The following CYFIP1 variants were observed in gnomAD, a reference collection of about 807,000 sequenced individuals.
CYFIP1 encodes the protein cytoplasmic FMR1-interacting protein 1.
Under a neutral mutation model 163.5 loss-of-function variants are expected in CYFIP1, and 58 were observed. The ratio of observed to expected loss-of-function variants is 0.35; its 90% CI spans 0.29 to 0.44. The LOEUF is 0.44. Among genes scored for constraint, CYFIP1 ranks in the 20% least tolerant of loss-of-function variants. The probability of loss-of-function intolerance (pLI) is 1.00; values close to 1 mark genes in which losing one functional copy is unlikely to be tolerated. For synonymous variants in CYFIP1, 663 were observed against 660.7 expected (o/e 1.00, Z -0.05); for missense variants, 1,338 against 1,653.8 (o/e 0.81, Z 3.31).
At chr15:22,962,600 C>T (rs2062724421) in intron 1 of CYFIP1, among the ~76,000 whole-genome samples, 1 of 151,564 alleles carries the variant, frequency 6.6e-6, no homozygotes, top group African/African-American at 2.4e-5. Context: ...GACAGGATTT[C>T]TCCATGTTGG....
chr15:22,872,187 C>T (rs1160218769), intron 30 of CYFIP1, among the ~76,000 whole-genome samples: 2 of 150,706 alleles, frequency 1.3e-5, no homozygotes, highest in African/African-American at 4.9e-5. Flanking sequence ...CCCAGCTACT[C>T]GGGAGGCTGA....
Position 22,873,484 on chromosome 15 carries a change from CACTT to C in CYFIP1, c.3449+3_3449+6del. The C allele has an allele frequency of 6.2e-7, 1 of 1,610,282 alleles. No individual in the cohort carries two copies. Among genetic ancestry groups the C allele is most frequent in the Non-Finnish European group, 8.5e-7 (1 of 1,176,804 alleles). On this transcript the variant is annotated splice_donor_5th_base_variant and intron_variant, in intron 29 of 30. Coordinates refer to ENST00000617928, the MANE Select transcript of CYFIP1 (RefSeq NM_014608.6). ...GGGGCTTTGTCCTGCTCTCAGCACA[CACTT>C]ACTCGACTGTGAACTCGTGTGTCCC...
chr15:22,900,768 C>T (rs544093181), intron 22 of CYFIP1, among the ~76,000 whole-genome samples: 1 of 152,106 alleles, frequency 6.6e-6, no homozygotes, highest in Admixed American at 6.5e-5. Context: ...ACCAAGCAGG[C>T]AGCTCCCACT....
Position 22,931,227 on chromosome 15 carries a change from C to T in CYFIP1, c.1110+996G>A, listed in dbSNP as rs114623248. Among the ~76,000 whole-genome samples the T allele has an allele frequency of 9.6e-3, 1,458 of 152,222 alleles. 23 individuals are homozygous for T. Among genetic ancestry groups the T allele is most frequent in the African/African-American group, 0.034 (1,408 of 41,524 alleles). On this transcript the variant is annotated intron_variant, in intron 11 of 30. Transcript: ENST00000617928. ...CTAACCAGTTCAGCAAAGCAGCCTGCGTATATGCCCTAAAACCCGCAGTCC... is the reference window on the plus strand; with the variant it reads ...CTAACCAGTTCAGCAAAGCAGCCTGTGTATATGCCCTAAAACCCGCAGTCC...
In CYFIP1 at chr15:22,933,843, T is replaced by G. The variant is rs2061615622; in HGVS notation, c.951A>C (p.Arg317Ser). The G allele has an allele frequency of 6.2e-7, 1 of 1,613,616 alleles. No homozygotes were observed. Among genetic ancestry groups the G allele is most frequent in the South Asian group, 1.1e-5 (1 of 90,990 alleles). Residue 317 changes from arginine (R) to serine (S), a missense_variant, in exon 10 of 31, where the codon AGA (arginine) becomes AGC (serine). Around this residue, in one of 4 missense-constraint regions of CYFIP1, gnomAD observed 824 missense variants for 995.7 expected, o/e 0.83. Coordinates refer to ENST00000617928, the MANE Select transcript of CYFIP1 (RefSeq NM_014608.6). ...LFGDMQIELA[R>S]YIKTSAHYEE... ...CGTAGTGGGCGCTGGTCTTGATATA[T>G]CTTGCCAGTTCTATTTGCATGTCCC...
intron 23 of CYFIP1, among the ~76,000 whole-genome samples, chr15:22,883,340 A>G (rs1038670221): frequency 9.2e-5 from 14 of 152,192 alleles, no homozygotes; most frequent in Admixed American, 2.0e-4. Flanking sequence ...TCCCAGCAGG[A>G]TGCCCAAGGT....
intron 5 of CYFIP1, 104 bp from the exon 6 acceptor site, chr15:22,943,458 A>G: frequency 7.8e-7 from 1 of 1,288,490 alleles, no homozygotes; most frequent in Admixed American, 2.1e-5. Context: ...ATGAGAAACG[A>G]TCTGCCCAGT....
chr15:22,916,075 C>T (rs987838190), intron 16 of CYFIP1, among the ~76,000 whole-genome samples: 2 of 152,108 alleles, frequency 1.3e-5, no homozygotes, highest in South Asian at 2.1e-4. Context: ...TCAAGGTGGC[C>T]GGGTGTCACC....
chr15:22,945,679 T>C (rs1297065947), intron 3 of CYFIP1, among the ~76,000 whole-genome samples: 2 of 151,636 alleles, frequency 1.3e-5, no homozygotes, highest in Admixed American at 6.6e-5. Flanking sequence ...GTTCAAGCAA[T>C]TCTCTTGCCT....
At position 22,918,720 on chromosome 15, in the gene CYFIP1, T is replaced by C. The variant is rs1273281081; in HGVS notation, c.1498A>G (p.Ile500Val). Residue 500 changes from isoleucine to valine, a missense_variant, in exon 14 of 31, where the codon ATC (isoleucine) becomes GTC (valine). By Grantham distance (29) the Ile-to-Val change is conservative. Transcript: ENST00000617928. ...VTLREPLRQA[I>V]KKKKNVIQSV... ...TGGATGACGTTCTTCTTCTTCTTGA[T>C]GGCCTGCCGCAGCGGCTCCCTAAGG... The C allele has an allele frequency of 3.1e-6, 5 of 1,608,528 alleles. No individual in the cohort carries two copies. Among genetic ancestry groups the C allele is most frequent in the Non-Finnish European group, 4.2e-6 (5 of 1,177,612 alleles).
Position 22,937,515 on chromosome 15 carries a change from G to GT in CYFIP1, c.796-308dup, listed in dbSNP as rs767484579. Among the ~76,000 whole-genome samples the GT allele has an allele frequency of 1.3e-3, 199 of 151,516 alleles. 2 individuals carry two copies. The highest frequency in any genetic ancestry group is 3.8e-3 in the African/African-American group (159 of 41,320). ...ACTAAGCTGGTGCAAAAGTAATTGC[G>GT]TTTTTTTTGCCATTAAAAGTAATGT... On this transcript the variant is annotated intron_variant, in intron 8 of 30. Transcript: ENST00000617928.
At chr15:22,933,974 C>T (rs1028819551) in intron 9 of CYFIP1, 81 bp from the exon 10 acceptor site, 3 of 932,894 alleles carry the variant, frequency 3.2e-6, no homozygotes, top group East Asian at 2.5e-5. Flanking sequence ...CTGACTAATG[C>T]TAATAATTAC....
chr15:22,933,914 AAT>A, intron 9 of CYFIP1, 21 bp from the exon 10 acceptor site: 1 of 1,556,380 alleles, frequency 6.4e-7, no homozygotes, highest in Non-Finnish European at 8.8e-7. Context: ...AGAACAAAAA[AAT>A]AGAGTCATTA....
At chr15:22,964,786 A>G (rs1175056026) in intron 1 of CYFIP1, among the ~76,000 whole-genome samples, 1 of 152,214 alleles carries the variant, frequency 6.6e-6, no homozygotes, top group Non-Finnish European at 1.5e-5. Flanking sequence ...AAATTCACAG[A>G]GCCGAGAAAC....
intron 17 of CYFIP1, 31 bp from the exon 18 acceptor site, chr15:22,912,306 G>C (rs758945037): frequency 6.5e-7 from 1 of 1,536,516 alleles, no homozygotes; most frequent in African/African-American, 1.4e-5. Flanking sequence ...GTGACCAGCA[G>C]CCTCTGCCAC....
At chr15:22,945,436 G>T (rs1011384832) in intron 3 of CYFIP1, among the ~76,000 whole-genome samples, 1 of 152,178 alleles carries the variant, frequency 6.6e-6, no homozygotes, top group African/African-American at 2.4e-5. Context: ...TAAAATCTAG[G>T]TAGAGAGTCC....
Position 22,867,324 on chromosome 15 carries a change from T to A in CYFIP1, c.*2704A>T, listed in dbSNP as rs2059167124. 1 of 397,610 alleles carries A rather than the reference T, an allele frequency of 2.5e-6. No homozygotes were observed. The highest frequency in any genetic ancestry group is 4.4e-5 in the Admixed American group (1 of 22,724). The allele number at this position is 397,610 out of a possible 1,614,324, so 24.6% of individuals were successfully genotyped here. ...CCTGTTTGTTTGATGATGATTGGTT[T>A]TATTTTTGAAATATTTATTAAGGGA... is the stretch of plus-strand genomic sequence containing the variant. On this transcript the variant is annotated 3_prime_UTR_variant, in exon 31 of 31. Coordinates refer to ENST00000617928, the MANE Select transcript of CYFIP1 (RefSeq NM_014608.6).
Position 22,918,722 on chromosome 15 carries a change from G to A in CYFIP1, c.1496C>T (p.Ala499Val), listed in dbSNP as rs1230507471. The A allele has an allele frequency of 1.2e-6, 2 of 1,608,496 alleles. No individual in the cohort carries two copies. The highest frequency in any genetic ancestry group is 1.7e-6 in the Non-Finnish European group (2 of 1,177,600). Reference protein sequence around the residue: ...QVTLREPLRQAIKKKKNVIQS... With the variant: ...QVTLREPLRQVIKKKKNVIQS... ...GATGACGTTCTTCTTCTTCTTGATG[G>A]CCTGCCGCAGCGGCTCCCTAAGGGT... The change falls in exon 14 of 31, where the codon GCC becomes GTC. Residue 499 changes from alanine to valine, a missense_variant. This residue lies in a region of CYFIP1 where 824 missense variants were observed against 995.7 expected (regional missense o/e 0.83). Transcript: ENST00000617928.
intron 23 of CYFIP1, among the ~76,000 whole-genome samples, chr15:22,892,308 TTAA>T (rs1879299053): frequency 6.6e-6 from 1 of 152,216 alleles, no homozygotes; most frequent in Admixed American, 6.5e-5. Context: ...AAACTAGCCC[TTAA>T]TAATACTCAG....
Sources: gnomAD v4.1 joint callset for allele counts (sites outside exome capture counted in the v4.1 genomes callset) on GRCh38, gnomAD v4.1.1 for gene constraint, gnomAD v4.1.1 regional missense constraint, MANE v1.5 for transcripts, NCBI Gene and HGNC (gene_info 2026-07-23, HGNC 2026-07-21) for gene names.